CCSER1: variants seen among roughly 807,000 people sequenced by gnomAD.
The protein encoded by CCSER1 is coiled-coil serine rich protein 1.
Under a neutral mutation model 82.0 loss-of-function variants are expected in CCSER1, and 41 were observed. The ratio of observed to expected loss-of-function variants is 0.50; its 90% CI spans 0.39 to 0.65. The LOEUF (loss-of-function observed/expected upper bound fraction) is 0.65, where lower values mean the gene tolerates loss of function less well. Ranked by LOEUF, CCSER1 falls within the 30% of genes least tolerant of loss-of-function variation. The probability of loss-of-function intolerance (pLI) is 0.00; values close to 1 mark genes in which losing one functional copy is unlikely to be tolerated. For missense variants in CCSER1, 1,119 were observed against 1,064.2 expected (o/e 1.05, Z -0.72); for synonymous variants, 414 against 383.9 (o/e 1.08, Z -0.92).
At chr4:90,865,279 A>G (rs72879486) in intron 8 of CCSER1, among the ~76,000 whole-genome samples, 2,994 of 152,152 alleles carry the variant, frequency 0.02, 79 homozygotes, top group African/African-American at 0.061. Context: ...ATAGTCATGA[A>G]TAAGGATCAA....
In CCSER1 at chr4:90,253,045, T is replaced by A. The variant is rs185105011; in HGVS notation, c.-41-55199T>A. Among the ~76,000 whole-genome samples the A allele has an allele frequency of 2.7e-4, 41 of 152,164 alleles. 1 individual carries two copies. In the East Asian group the frequency reaches 7.5e-3, roughly 28 times the overall value. ...TTATTTAATACATTCATGTTTCATA[T>A]AATTGGTGATATGGTTGGATTTGTC... On this transcript the variant is annotated intron_variant, in intron 1 of 10. Transcript: ENST00000509176.
At chr4:90,971,541 G>T (rs763246389) in intron 9 of CCSER1, among the ~76,000 whole-genome samples, 1 of 151,890 alleles carries the variant, frequency 6.6e-6, no homozygotes. Flanking sequence ...GCAAAGAAAA[G>T]CCTGCAACCA....
intron 1 of CCSER1, among the ~76,000 whole-genome samples, chr4:90,146,787 T>TTTCCTTAACTTGAAA (rs1349891711): frequency 2.0e-5 from 3 of 152,122 alleles, no homozygotes; most frequent in East Asian, 3.9e-4. Flanking sequence ...AACTTGAAGA[T>TTTCCTTAACTTGAAA]GTGGCATTAC....
At position 90,378,267 on chromosome 4, in the gene CCSER1, A is replaced by T. The variant is rs544227956; in HGVS notation, c.1510-21769A>T. On this transcript the variant is annotated intron_variant, in intron 3 of 10. Coordinates refer to ENST00000509176, the MANE Select transcript of CCSER1 (RefSeq NM_001145065.2). ...TATACCTGTCTTGGAAACTGCAATAATTAATAACCTGTACTTGTAAAATAC... is the reference window on the plus strand; with the variant it reads ...TATACCTGTCTTGGAAACTGCAATATTTAATAACCTGTACTTGTAAAATAC... 3.3e-5 allele frequency among the ~76,000 whole-genome samples: 5 copies of T among 152,248 alleles called. No homozygotes were observed. The South Asian group carries it at 1.0e-3, about 32-fold the overall frequency.
chr4:90,394,213 A>G (rs1751640449), intron 3 of CCSER1, among the ~76,000 whole-genome samples: 1 of 151,780 alleles, frequency 6.6e-6, no homozygotes, highest in African/African-American at 2.4e-5. Context: ...TTTATAAATC[A>G]TATTTGATTT....
At chr4:90,933,733 A>T (rs1202641173) in intron 9 of CCSER1, among the ~76,000 whole-genome samples, 1 of 151,852 alleles carries the variant, frequency 6.6e-6, no homozygotes, top group Admixed American at 6.6e-5. Context: ...TAAAATAATC[A>T]TATAAATGCT....
At chr4:91,441,727 G>T (rs1427425429) in intron 10 of CCSER1, among the ~76,000 whole-genome samples, 4 of 152,116 alleles carry the variant, frequency 2.6e-5, no homozygotes, top group Non-Finnish European at 4.4e-5. Flanking sequence ...AAACCCCATT[G>T]TCTCAGCCCA....
intron 7 of CCSER1, among the ~76,000 whole-genome samples, chr4:90,766,001 C>T (rs115241125): frequency 7.0e-4 from 106 of 151,308 alleles, no homozygotes; most frequent in South Asian, 1.3e-3. Context: ...GTGGTTGACA[C>T]CAAAGAGGTT....
At position 91,054,191 on chromosome 4, in the gene CCSER1, G is replaced by A. The variant is rs138692852; in HGVS notation, c.2173-31759G>A. On this transcript the variant is annotated intron_variant, in intron 9 of 10. Coordinates refer to ENST00000509176, the MANE Select transcript of CCSER1 (RefSeq NM_001145065.2). ...CAGCTATACTCTGCCACTGCCTCTG[G>A]AGCTGTCCGCAATCACAGCTTCACA... is the stretch of plus-strand genomic sequence containing the variant. Among the ~76,000 whole-genome samples, 316 of 152,200 alleles carry A rather than the reference G, an allele frequency of 2.1e-3. 3 individuals are homozygous for A. The highest frequency in any genetic ancestry group is 7.4e-3 in the African/African-American group (306 of 41,528).
At chr4:90,558,797 G>T (rs1778406243) in intron 5 of CCSER1, among the ~76,000 whole-genome samples, 1 of 152,104 alleles carries the variant, frequency 6.6e-6, no homozygotes, top group South Asian at 2.1e-4. Context: ...TTTTAGGGAA[G>T]GGGGACACCT....
At chr4:91,271,390 G>A (rs914039585) in intron 10 of CCSER1, among the ~76,000 whole-genome samples, 5 of 152,170 alleles carry the variant, frequency 3.3e-5, no homozygotes, top group South Asian at 4.1e-4. Context: ...ACTGCACCCA[G>A]TTTGTAGTCT....
chr4:90,553,137 T>C (rs1360225628), intron 5 of CCSER1, among the ~76,000 whole-genome samples: 2 of 152,096 alleles, frequency 1.3e-5, no homozygotes, highest in African/African-American at 4.8e-5. Flanking sequence ...GCCTAGCTAA[T>C]TTTTTTCATA....
chr4:91,193,618 A>G (rs1331337246), intron 10 of CCSER1, among the ~76,000 whole-genome samples: 1 of 152,214 alleles, frequency 6.6e-6, no homozygotes, highest in Non-Finnish European at 1.5e-5. Flanking sequence ...CAAATATTAC[A>G]TGAATATAAA....
chr4:90,958,642 A>G (rs576909477), intron 9 of CCSER1, among the ~76,000 whole-genome samples: 1 of 152,268 alleles, frequency 6.6e-6, no homozygotes, highest in East Asian at 1.9e-4. Flanking sequence ...GGAGATAATT[A>G]GGATCAGATA....
chr4:91,242,396 A>C (rs1391144101), intron 10 of CCSER1, among the ~76,000 whole-genome samples: 1 of 152,206 alleles, frequency 6.6e-6, no homozygotes, highest in Non-Finnish European at 1.5e-5. Context: ...AAAATGACTC[A>C]AGTTTCTCTT....
chr4:91,166,129 G>A (rs558913854), intron 10 of CCSER1, among the ~76,000 whole-genome samples: 32 of 152,174 alleles, frequency 2.1e-4, no homozygotes, highest in Non-Finnish European at 3.8e-4. Flanking sequence ...AGTTACATCA[G>A]ATACAGAAGT....
At chr4:90,665,817 G>A (rs1731662853) in intron 6 of CCSER1, among the ~76,000 whole-genome samples, 1 of 152,170 alleles carries the variant, frequency 6.6e-6, no homozygotes. Context: ...AAGTTTAGAT[G>A]TGGGAGGTTT....
At chr4:90,425,669 CA>C (rs1757423179) in intron 4 of CCSER1, among the ~76,000 whole-genome samples, 1 of 152,190 alleles carries the variant, frequency 6.6e-6, no homozygotes, top group Admixed American at 6.5e-5. Flanking sequence ...GTATTGTCCA[CA>C]AGGTGTGCTG....
intron 10 of CCSER1, among the ~76,000 whole-genome samples, chr4:91,138,983 G>T (rs530137070): frequency 3.3e-5 from 5 of 152,158 alleles, no homozygotes; most frequent in Non-Finnish European, 7.3e-5. Flanking sequence ...TGTCACCCAG[G>T]TGGTGAGCAT....
Sources: gnomAD v4.1 joint callset for allele counts (sites outside exome capture counted in the v4.1 genomes callset) on GRCh38, gnomAD v4.1.1 for gene constraint, MANE v1.5 for transcripts, NCBI Gene and HGNC (gene_info 2026-07-23, HGNC 2026-07-21) for gene names.